Variants in RNF157 observed in about 807,000 individuals in gnomAD.
RNF157 encodes ring finger protein 157.
In RNF157, 55 loss-of-function variants were observed where a neutral mutation model predicts 88.3. The ratio of observed to expected loss-of-function variants is 0.62; its 90% confidence interval spans 0.50 to 0.78. The LOEUF is 0.78. RNF157 is among the 30% of genes least tolerant of loss of function. The pLI is 0.00. For missense variants in RNF157, 788 were observed against 860.8 expected (o/e 0.92, Z 1.06); for synonymous variants, 334 against 341.2 (o/e 0.98, Z 0.23).
At chr17:76,234,605 T>C (rs925250242) in intron 1 of RNF157, among the ~76,000 whole-genome samples, 2 of 152,232 alleles carry the variant, frequency 1.3e-5, no homozygotes, top group African/African-American at 4.8e-5. Context: ...TTGATTTGTA[T>C]TTCCTTGAAA....
At chr17:76,154,696 C>A (rs549447594) in intron 16 of RNF157, 1 of 236,078 alleles carries the variant, frequency 4.2e-6, no homozygotes, top group Admixed American at 5.2e-5. Flanking sequence ...ATCCCAAACC[C>A]CATCCAGATC....
Position 76,240,383 on chromosome 17 carries a change from G to T in RNF157, c.-143C>A. The T allele has an allele frequency of 5.2e-6, 1 of 191,424 alleles. No individual in the cohort carries two copies. The highest frequency in any genetic ancestry group is 9.3e-6 in the Non-Finnish European group (1 of 107,200). 11.9% of individuals were successfully genotyped at this position (191,424 alleles called of 1,614,324 possible). ...GCTGCGGCGCTGCGGCTCTGGCGGC[G>T]GGGAGCCCCCGGCGCGCCGCGCACC... On this transcript the variant is annotated 5_prime_UTR_variant, in exon 1 of 19. Coordinates refer to ENST00000269391, the MANE Select transcript of RNF157 (RefSeq NM_052916.3). The surrounding 1 kb of genome is among the most constrained non-coding windows in gnomAD (Gnocchi z 4.4).
chr17:76,174,209 C>A (rs528855469), intron 2 of RNF157, among the ~76,000 whole-genome samples: 1 of 152,262 alleles, frequency 6.6e-6, no homozygotes, highest in East Asian at 1.9e-4. Context: ...TGAGGCCATG[C>A]GGTATCCCAG....
intron 17 of RNF157, 56 bp from the exon 18 acceptor site, chr17:76,152,521 C>T (rs1380169262): frequency 4.9e-6 from 5 of 1,021,882 alleles, no homozygotes; most frequent in Non-Finnish European, 1.5e-6. Context: ...CTCTGCGTTG[C>T]TGTCCTTAAA....
chr17:76,152,657 T>G, intron 17 of RNF157, 192 bp from the exon 18 acceptor site: 1 of 529,060 alleles, frequency 1.9e-6, no homozygotes, highest in Non-Finnish European at 3.4e-6. Flanking sequence ...GTTCTCGCGC[T>G]TTCCTGCTGT....
intron 2 of RNF157, 42 bp downstream of exon 2, chr17:76,212,321 GC>G: frequency 7.6e-7 from 1 of 1,314,578 alleles, no homozygotes; most frequent in Non-Finnish European, 1.1e-6. Flanking sequence ...TTTTGAATTG[GC>G]CACTTAAGCT....
chr17:76,197,480 C>G (rs1173368798), intron 2 of RNF157, among the ~76,000 whole-genome samples: 1 of 152,098 alleles, frequency 6.6e-6, no homozygotes, highest in African/African-American at 2.4e-5. Context: ...CTGGGCAACA[C>G]AGCAAGACCC....
At chr17:76,169,373 T>C (rs1738210645) in intron 3 of RNF157, among the ~76,000 whole-genome samples, 1 of 152,154 alleles carries the variant, frequency 6.6e-6, no homozygotes, top group Non-Finnish European at 1.5e-5. Context: ...CTCATGTCTT[T>C]GAGACTATTA....
chr17:76,149,864 T>TTGG lies in RNF157; in HGVS notation c.1921+2490_1921+2491insCCA, dbSNP rs1264305206. Among the ~76,000 whole-genome samples the TTGG allele has an allele frequency of 2.8e-4, 43 of 152,052 alleles. No homozygotes were observed. In the East Asian group the frequency reaches 7.9e-3, roughly 28 times the overall value. On this transcript the variant is annotated intron_variant, in intron 18 of 18. Transcript: ENST00000269391. The stretch of plus-strand genomic sequence containing the variant: ...CCCTGACCAACATGGTAAAACTCCG[T>TTGG]CTCTGCTAAAAATACAAAAATTAGC...
At chr17:76,230,116 G>A (rs2070161817) in intron 1 of RNF157, among the ~76,000 whole-genome samples, 1 of 152,136 alleles carries the variant, frequency 6.6e-6, no homozygotes, top group Admixed American at 6.5e-5. Flanking sequence ...CTGCAGTGGG[G>A]CAAAGACAGC....
At chr17:76,155,382 T>C in intron 15 of RNF157, 65 bp from the exon 16 acceptor site, 2 of 1,545,750 alleles carry the variant, frequency 1.3e-6, no homozygotes, top group Non-Finnish European at 1.8e-6. Context: ...ACCCAAACCT[T>C]CTTCAGAACA....
intron 1 of RNF157, among the ~76,000 whole-genome samples, chr17:76,220,385 TAA>T (rs34888046): frequency 0.083 from 10,715 of 128,606 alleles, 953 homozygotes; most frequent in African/African-American, 0.23. Context: ...TAATGATATC[TAA>T]AAAAAAAAAA....
chr17:76,173,562 A>G (rs2069053420), intron 3 of RNF157, 140 bp downstream of exon 3: 1 of 633,878 alleles, frequency 1.6e-6, no homozygotes, highest in Non-Finnish European at 2.8e-6. Flanking sequence ...TAGCGCCCGC[A>G]CTCCTGTCTG....
In RNF157 at chr17:76,159,588, GACAGGTTGAAAAATT is replaced by G; in HGVS notation, c.1066-30_1066-16del. The stretch of plus-strand genomic sequence containing the variant: ...TTCTCTGAGGACTAGGGGAATCAGA[GACAGGTTGAAAAATT>G]AATTAGGTCCTTTTTGTTTTATGAC... On this transcript the variant is annotated splice_polypyrimidine_tract_variant and intron_variant, in intron 11 of 18. Coordinates refer to ENST00000269391, the MANE Select transcript of RNF157 (RefSeq NM_052916.3). 6.4e-7 allele frequency: 1 copy of G among 1,571,226 alleles called. No homozygotes were observed. Among genetic ancestry groups the G allele is most frequent in the Non-Finnish European group, 8.7e-7 (1 of 1,149,648 alleles).
rs1193078639 is a variant in RNF157, at chr17:76,156,199, T to C, written c.1525+11A>G. On this transcript the variant is annotated intron_variant, in intron 14 of 18. Coordinates refer to ENST00000269391, the MANE Select transcript of RNF157 (RefSeq NM_052916.3). Reference sequence around the variant, plus strand: ...GGAAGGACATGCAGCCACTCCCCGCTCCTTATGTACCTTCTGGGGAGGAAA... The same window carrying C: ...GGAAGGACATGCAGCCACTCCCCGCCCCTTATGTACCTTCTGGGGAGGAAA... The C allele has an allele frequency of 6.2e-7, 1 of 1,603,644 alleles. No individual in the cohort carries two copies. The highest frequency in any genetic ancestry group is 8.5e-7 in the Non-Finnish European group (1 of 1,170,616).
At chr17:76,147,065 C>T in intron 18 of RNF157, 5 of 985,372 alleles carry the variant, frequency 5.1e-6, no homozygotes, top group Non-Finnish European at 6.0e-6. Flanking sequence ...CATATCCAAA[C>T]TGAATTTGGG....
chr17:76,164,416 C>T (rs1167031322), intron 8 of RNF157: 2 of 192,772 alleles, frequency 1.0e-5, no homozygotes, highest in Non-Finnish European at 2.1e-5. Flanking sequence ...AAGAGTTCTC[C>T]CTAAACCCAA....
chr17:76,163,793 T>G (rs2068881954), intron 8 of RNF157: 1 of 152,220 alleles, frequency 6.6e-6, no homozygotes, highest in Non-Finnish European at 1.5e-5. Flanking sequence ...GAACCAGGCC[T>G]TCCCCCATGA....
intron 2 of RNF157, among the ~76,000 whole-genome samples, chr17:76,204,098 T>A (rs2144992904): frequency 6.6e-6 from 1 of 152,320 alleles, no homozygotes; most frequent in Admixed American, 6.5e-5. Flanking sequence ...TATTCATAGC[T>A]CTTCAGATAT....
Sources: gnomAD v4.1 joint callset for allele counts (sites outside exome capture counted in the v4.1 genomes callset) on GRCh38, gnomAD v4.1.1 for gene constraint, Gnocchi (gnomAD v3.1) non-coding constraint, MANE v1.5 for transcripts, NCBI Gene and HGNC (gene_info 2026-07-23, HGNC 2026-07-21) for gene names.